Variants in BANK1 observed in about 807,000 individuals in gnomAD.
The protein encoded by BANK1 is B cell scaffold protein with ankyrin repeats 1, also known as B-cell scaffold protein with ankyrin repeats.
BANK1 carries 95 observed loss-of-function variants against 94.5 expected under a neutral mutation model. The observed-to-expected ratio is 1.00, with a 90% confidence interval of 0.85 to 1.19. The LOEUF (loss-of-function observed/expected upper bound fraction) is 1.19. Among genes scored for constraint, BANK1 ranks in the 50% most tolerant of loss-of-function variants. The pLI is 0.00. For missense variants in BANK1, 987 were observed against 932.2 expected, an observed-to-expected ratio of 1.06 and a Z score of -0.77; for synonymous variants, 334 against 308.4, an observed-to-expected ratio of 1.08 and a Z score of -0.87.
At chr4:101,796,012 T>G (rs187289023) in intron 1 of BANK1, among the ~76,000 whole-genome samples, 238 of 152,314 alleles carry the variant, frequency 1.6e-3, no homozygotes, top group African/African-American at 5.4e-3. Context: ...CACAAAGTCC[T>G]TTTGTCTTAT....
chr4:101,982,732 A>G (rs147089939), intron 7 of BANK1, among the ~76,000 whole-genome samples: 65 of 152,130 alleles, frequency 4.3e-4, no homozygotes, highest in Middle Eastern at 3.4e-3. Flanking sequence ...TTATGTAAAG[A>G]GAGCAGCAGT....
intron 2 of BANK1, among the ~76,000 whole-genome samples, chr4:101,854,722 T>G (rs1397277428): frequency 6.6e-6 from 1 of 152,186 alleles, no homozygotes; most frequent in Non-Finnish European, 1.5e-5. Context: ...GTTTTATGTT[T>G]TACAGATCTA....
intron 7 of BANK1, among the ~76,000 whole-genome samples, chr4:101,958,539 G>T (rs1399572800): frequency 7.1e-6 from 1 of 140,596 alleles, no homozygotes; most frequent in East Asian, 2.1e-4. Flanking sequence ...CCCATCTGCT[G>T]CTATTTTTCC....
rs1371210292 is a variant in BANK1, at chr4:101,882,725, C to T, written c.903+12081C>T. Among the ~76,000 whole-genome samples the T allele has an allele frequency of 2.6e-5, 4 of 152,136 alleles. No homozygotes were observed. In the South Asian group the frequency reaches 8.3e-4, roughly 32 times the overall value. On this transcript the variant is annotated intron_variant, in intron 5 of 16. Coordinates refer to ENST00000322953, the MANE Select transcript of BANK1 (RefSeq NM_017935.5). ...ATGAAGATGCTAGAATATATTATCACCAAGATCACTTTCAACTCAAGTATT... is the reference window on the plus strand; with the variant it reads ...ATGAAGATGCTAGAATATATTATCATCAAGATCACTTTCAACTCAAGTATT...
chr4:101,907,924 GAAC>G (rs1722513923), intron 6 of BANK1, among the ~76,000 whole-genome samples: 1 of 152,138 alleles, frequency 6.6e-6, no homozygotes. Flanking sequence ...ACAAAGGGAA[GAAC>G]ATTCCATGCT....
chr4:102,056,982 G>C (rs1366474850), intron 11 of BANK1, among the ~76,000 whole-genome samples: 1 of 152,112 alleles, frequency 6.6e-6, no homozygotes, highest in Non-Finnish European at 1.5e-5. Context: ...TCCAGCCAGG[G>C]AGATGGAGAC....
Position 101,918,119 on chromosome 4 carries a change from G to C in BANK1, c.1136G>C (p.Gly379Ala). ...GCATCTAAGATGAAAAATATGGAGG[G>C]TTCAGACCCCGCACATATTGCTGAA... is the stretch of plus-strand genomic sequence containing the variant. ...TWASKMKNME[G>A]SDPAHIAERH... is the part of the protein sequence containing the mutation. Residue 379 changes from glycine to alanine, a missense_variant, in exon 7 of 17, where the codon GGT becomes GCT. Gly to Ala is a moderately conservative substitution (Grantham distance 60). Coordinates refer to ENST00000322953, the MANE Select transcript of BANK1 (RefSeq NM_017935.5). The C allele has an allele frequency of 6.2e-7, 1 of 1,611,532 alleles. No individual in the cohort carries two copies. The highest frequency in any genetic ancestry group is 8.5e-7 in the Non-Finnish European group (1 of 1,178,466).
rs1722683094 is a variant in BANK1 at position 101,912,097 on chromosome 4, T to C, written c.1010-5896T>C. ...AGGTAGGGCAGAATGGGCTTTTTAA[T>C]TAATGTCTTGAATAAGTTATGACTT... On this transcript the variant is annotated intron_variant, in intron 6 of 16. Coordinates refer to ENST00000322953, the MANE Select transcript of BANK1 (RefSeq NM_017935.5). Among the ~76,000 whole-genome samples, 2 of 152,106 alleles carry C rather than the reference T, an allele frequency of 1.3e-5. 1 individual carries two copies. Among genetic ancestry groups the C allele is most frequent in the South Asian group, 4.1e-4 (2 of 4,828 alleles).
chr4:101,890,596 A>C (rs1304830065), intron 5 of BANK1, among the ~76,000 whole-genome samples: 2 of 147,966 alleles, frequency 1.4e-5, no homozygotes, highest in African/African-American at 4.9e-5. Context: ...TAAAAACCTG[A>C]TTTTATTTAT....
intron 1 of BANK1, among the ~76,000 whole-genome samples, chr4:101,809,941 T>C (rs1326871466): frequency 6.6e-6 from 1 of 152,184 alleles, no homozygotes; most frequent in Non-Finnish European, 1.5e-5. Context: ...GAATTAAGGT[T>C]GCAGATAGAA....
chr4:101,878,144 A>G (rs1267960718), intron 5 of BANK1, among the ~76,000 whole-genome samples: 11 of 152,150 alleles, frequency 7.2e-5, no homozygotes, highest in Admixed American at 4.6e-4. Context: ...AAACTCTTCA[A>G]TCAAAAGACA....
intron 10 of BANK1, among the ~76,000 whole-genome samples, chr4:102,037,805 AG>A (rs1387873302): frequency 2.0e-5 from 3 of 152,208 alleles, no homozygotes; most frequent in Non-Finnish European, 4.4e-5. Context: ...TGGCCTGCAC[AG>A]GGTAGCATGT....
At chr4:101,901,198 G>C (rs1027509626) in intron 6 of BANK1, among the ~76,000 whole-genome samples, 1 of 152,162 alleles carries the variant, frequency 6.6e-6, no homozygotes, top group Non-Finnish European at 1.5e-5. Context: ...GTGAAACTCA[G>C]TACCAATAGG....
At chr4:101,889,222 A>G (rs145161666) in intron 5 of BANK1, among the ~76,000 whole-genome samples, 28 of 152,162 alleles carry the variant, frequency 1.8e-4, no homozygotes, top group South Asian at 4.1e-4. Flanking sequence ...ACTCCCTTTT[A>G]TTCTTTTGAT....
chr4:101,797,497 A>C (rs1048599410), intron 1 of BANK1, among the ~76,000 whole-genome samples: 3 of 152,176 alleles, frequency 2.0e-5, no homozygotes, highest in African/African-American at 7.2e-5. Context: ...CAGCAATGGA[A>C]GTTAGTGAAC....
intron 7 of BANK1, among the ~76,000 whole-genome samples, chr4:101,981,461 G>A (rs781492563): frequency 2.0e-5 from 3 of 151,886 alleles, no homozygotes; most frequent in African/African-American, 2.4e-5. Flanking sequence ...ATGTGCTGAC[G>A]GCTTCTGATT....
At chr4:101,986,055 A>T (rs767272694) in intron 7 of BANK1, among the ~76,000 whole-genome samples, 1 of 152,196 alleles carries the variant, frequency 6.6e-6, no homozygotes, top group Non-Finnish European at 1.5e-5. Flanking sequence ...ATGAAGGTGA[A>T]TAAAGCATAG....
intron 1 of BANK1, among the ~76,000 whole-genome samples, chr4:101,827,869 A>G (rs1369041629): frequency 6.6e-6 from 1 of 151,856 alleles, no homozygotes; most frequent in Non-Finnish European, 1.5e-5. Context: ...GCATATTTCA[A>G]AAAGATACAT....
chr4:101,847,778 T>C (rs1441197825), intron 2 of BANK1, among the ~76,000 whole-genome samples: 1 of 146,462 alleles, frequency 6.8e-6, no homozygotes, highest in African/African-American at 2.7e-5. Flanking sequence ...CACACACATA[T>C]GTCTCACACA....
Sources: allele counts gnomAD v4.1 joint callset (sites outside exome capture counted in the v4.1 genomes callset), GRCh38; gene constraint gnomAD v4.1.1; transcripts MANE v1.5; gene names NCBI Gene and HGNC (gene_info 2026-07-23, HGNC 2026-07-21).